CELF5: variants seen among roughly 807,000 people sequenced by gnomAD.
CELF5 encodes CUGBP Elav-like family member 5.
In CELF5, 6 loss-of-function variants were observed where a neutral mutation model predicts 54.9. The ratio of observed to expected loss-of-function variants is 0.11; its 90% CI spans 0.06 to 0.22. The LOEUF is 0.22. Among genes scored for constraint, CELF5 ranks in the 10% least tolerant of loss-of-function variants. The pLI is 1.00. For synonymous variants in CELF5, 271 were observed against 290.9 expected, an observed-to-expected ratio of 0.93 and a Z score of 0.70; for missense variants, 401 against 678.6, an observed-to-expected ratio of 0.59 and a Z score of 4.54.
chr19:3,272,534 G>C (rs758548684), intron 2 of CELF5, among the ~76,000 whole-genome samples: 6 of 152,212 alleles, frequency 3.9e-5, no homozygotes, highest in Non-Finnish European at 7.3e-5. Context: ...TTGGAAAAAG[G>C]TCTGAGAGTA....
rs1263520858 is a variant in CELF5, at chr19:3,228,605, A to T, written c.259+3607A>T. On this transcript the variant is annotated intron_variant, in intron 1 of 12. Coordinates refer to ENST00000292672, the MANE Select transcript of CELF5 (RefSeq NM_021938.4). This position sits in a 1 kb window ranked among gnomAD's most constrained non-coding sequence, Gnocchi z 6.0. ...CTTAAAGCGGAGGTTGCGCTGGGGG[A>T]CGGTGCAGGTGGGGGGGGGGCCCGG... 7.6e-6 allele frequency among the ~76,000 whole-genome samples: 1 copy of T among 132,414 alleles called. No individual in the cohort carries two copies. Among genetic ancestry groups the T allele is most frequent in the Middle Eastern group, 3.9e-3 (1 of 256 alleles). 86.9% of individuals were successfully genotyped at this position (132,414 alleles called of 152,430 possible).
intron 11 of CELF5, among the ~76,000 whole-genome samples, chr19:3,292,974 G>C (rs1255799547): frequency 2.0e-5 from 3 of 152,206 alleles, no homozygotes; most frequent in Admixed American, 6.5e-5. Flanking sequence ...TGGCTGGACA[G>C]AGGGCTTGGA....
chr19:3,227,057 G>C (rs1247284714), intron 1 of CELF5, among the ~76,000 whole-genome samples: 2 of 152,126 alleles, frequency 1.3e-5, no homozygotes, highest in Non-Finnish European at 2.9e-5. Context: ...ACTTTTTAGG[G>C]GTCCCAGGTC....
At chr19:3,286,241 G>T (rs959387012) in intron 10 of CELF5, 20 of 500,670 alleles carry the variant, frequency 4.0e-5, no homozygotes, top group Middle Eastern at 5.1e-4. Flanking sequence ...TGCTCGCCCC[G>T]ACCCCGTAGG....
Position 3,290,299 on chromosome 19 carries a change from A to T in CELF5, c.1255A>T (p.Met419Leu). 2 of 1,613,904 alleles carry T rather than the reference A, an allele frequency of 1.2e-6. No individual in the cohort carries two copies. Among genetic ancestry groups the T allele is most frequent in the Non-Finnish European group, 1.7e-6 (2 of 1,179,920 alleles). ...GTTTGGAGACACGGAGCTGACGCAG[A>T]TGTTCCTACCCTTCGGCAATATCAT... ...QEFGDTELTQ[M>L]FLPFGNIISS... Residue 419 changes from methionine (M) to leucine (L), a missense_variant, in exon 11 of 13, where the codon ATG (methionine) becomes TTG (leucine). Around this residue, in one of 6 missense-constraint regions of CELF5, gnomAD observed 59 missense variants for 128.8 expected, o/e 0.46. Coordinates refer to ENST00000292672, the MANE Select transcript of CELF5 (RefSeq NM_021938.4).
intron 1 of CELF5, among the ~76,000 whole-genome samples, chr19:3,247,157 G>A (rs550728495): frequency 6.6e-6 from 1 of 151,988 alleles, no homozygotes; most frequent in Non-Finnish European, 1.5e-5. Context: ...GAGACAGTCT[G>A]ACTGTGTCAC....
At chr19:3,233,220 G>C (rs1228972878) in intron 1 of CELF5, among the ~76,000 whole-genome samples, 3 of 152,158 alleles carry the variant, frequency 2.0e-5, no homozygotes, top group African/African-American at 7.2e-5. Context: ...CTGGGGAGGT[G>C]GAGGCTACAG....
intron 2 of CELF5, among the ~76,000 whole-genome samples, chr19:3,261,834 A>G (rs1055417672): frequency 2.6e-5 from 4 of 152,054 alleles, no homozygotes; most frequent in Non-Finnish European, 5.9e-5. Flanking sequence ...ACAAAAATAA[A>G]AACAAAAACA....
intron 1 of CELF5, among the ~76,000 whole-genome samples, chr19:3,238,263 G>A (rs1402846427): frequency 1.3e-5 from 2 of 152,128 alleles, no homozygotes; most frequent in Non-Finnish European, 2.9e-5. Flanking sequence ...TATTCAAGAT[G>A]GAGTTGCTCT....
At chr19:3,267,907 G>A (rs2079905239) in intron 2 of CELF5, among the ~76,000 whole-genome samples, 1 of 152,078 alleles carries the variant, frequency 6.6e-6, no homozygotes, top group South Asian at 2.1e-4. Flanking sequence ...AATGGGCAAG[G>A]GGCCTTAAGA....
At chr19:3,257,952 A>G (rs1214163611) in intron 2 of CELF5, among the ~76,000 whole-genome samples, 1 of 149,428 alleles carries the variant, frequency 6.7e-6, no homozygotes, top group African/African-American at 2.5e-5. Flanking sequence ...GGTGCACACC[A>G]CCATACCTGG....
chr19:3,232,034 G>A (rs1241248089), intron 1 of CELF5, among the ~76,000 whole-genome samples: 3 of 151,772 alleles, frequency 2.0e-5, no homozygotes, highest in Non-Finnish European at 4.4e-5. Context: ...TAGACTGAAG[G>A]ATGGAAGGAT....
chr19:3,266,167 G>A (rs1477769193), intron 2 of CELF5, among the ~76,000 whole-genome samples: 1 of 152,206 alleles, frequency 6.6e-6, no homozygotes, highest in Non-Finnish European at 1.5e-5. Flanking sequence ...TAAGAAAAGA[G>A]TGGGACGTTT....
intron 1 of CELF5, among the ~76,000 whole-genome samples, chr19:3,232,539 T>A (rs1277267533): frequency 6.6e-6 from 1 of 152,060 alleles, no homozygotes; most frequent in Non-Finnish European, 1.5e-5. Flanking sequence ...GTGAGGCCCT[T>A]TACAGAGTGA....
chr19:3,264,788 C>T (rs2079859054), intron 2 of CELF5, among the ~76,000 whole-genome samples: 1 of 151,128 alleles, frequency 6.6e-6, no homozygotes, highest in Admixed American at 6.6e-5. Flanking sequence ...GTGATCTTGG[C>T]TCACTGCAAC....
At chr19:3,252,125 C>T (rs2145066909) in intron 2 of CELF5, among the ~76,000 whole-genome samples, 1 of 152,276 alleles carries the variant, frequency 6.6e-6, no homozygotes, top group East Asian at 1.9e-4. Context: ...CAGCCTCCAC[C>T]TCCTGGGGTC....
rs994737048 is a variant in CELF5 at position 3,296,233 on chromosome 19, A to G, written c.*41-525A>G. 9.9e-5 allele frequency: 15 copies of G among 151,658 alleles called. No homozygotes were observed. The Middle Eastern group carries it at 0.017, about 172-fold the overall frequency. 9.4% of individuals were successfully genotyped at this position (151,658 alleles called of 1,614,324 possible). A position where few individuals can be genotyped will look rare whatever the true frequency, so the allele number is the denominator to read the frequency against. ...CTGCCCAATCCGCGACACCCACGTC[A>G]AAGCACAGCATCAAGTTCGTTTGGA... On this transcript the variant is annotated intron_variant, in intron 12 of 12. Transcript: ENST00000292672.
At chr19:3,240,026 G>A (rs956196892) in intron 1 of CELF5, among the ~76,000 whole-genome samples, 2 of 118,004 alleles carry the variant, frequency 1.7e-5, no homozygotes, top group East Asian at 2.4e-4. Flanking sequence ...TTTTTTTTTT[G>A]AGGCAAGAGT....
At chr19:3,272,978 A>G (rs1264315993) in intron 2 of CELF5, among the ~76,000 whole-genome samples, 3 of 151,976 alleles carry the variant, frequency 2.0e-5, no homozygotes, top group African/African-American at 4.8e-5. Flanking sequence ...TTTTCATTAA[A>G]TATCATTTTC....
Sources: allele counts gnomAD v4.1 joint callset (sites outside exome capture counted in the v4.1 genomes callset), GRCh38; gene constraint gnomAD v4.1.1; regional missense constraint gnomAD v4.1.1; non-coding constraint Gnocchi (gnomAD v3.1); transcripts MANE v1.5; gene names NCBI Gene and HGNC (gene_info 2026-07-23, HGNC 2026-07-21).